GPC6: variants seen among roughly 807,000 people sequenced by gnomAD.
The protein encoded by GPC6 is glypican 6.
A neutral mutation model predicts 55.2 loss-of-function variants in GPC6; 14 were observed. That is an observed-to-expected ratio of 0.25 (90% CI 0.17 to 0.40). The LOEUF (loss-of-function observed/expected upper bound fraction) is 0.40. Ranked by LOEUF, GPC6 falls within the 10% of genes least tolerant of loss-of-function variation. The probability of loss-of-function intolerance (pLI) is 1.00; values close to 1 mark genes in which losing one functional copy is unlikely to be tolerated. For missense variants in GPC6, 641 were observed against 708.5 expected (o/e 0.90, Z 1.08); for synonymous variants, 278 against 259.6 (o/e 1.07, Z -0.68).
In GPC6 at chr13:93,688,660, G is replaced by A. The variant is rs375051408; in HGVS notation, c.320-141494G>A. Reference sequence around the variant, plus strand: ...TTGAAAATATTATTTAATGAAAGAAGACAGGCATAAAGAGACAACAATTGC... The same window carrying A: ...TTGAAAATATTATTTAATGAAAGAAAACAGGCATAAAGAGACAACAATTGC... On this transcript the variant is annotated intron_variant, in intron 2 of 8. Coordinates refer to ENST00000377047, the MANE Select transcript of GPC6 (RefSeq NM_005708.5). 4.6e-5 allele frequency among the ~76,000 whole-genome samples: 7 copies of A among 151,964 alleles called. No individual in the cohort carries two copies. In the East Asian group the frequency reaches 7.7e-4, roughly 17 times the overall value.
At chr13:93,432,785 A>G (rs72640515) in intron 1 of GPC6, among the ~76,000 whole-genome samples, 7,122 of 152,180 alleles carry the variant, frequency 0.047, 222 homozygotes, top group Non-Finnish European at 0.069. Context: ...TTGTTAATGA[A>G]TCAGCAACCC....
chr13:93,313,455 T>A (rs1411632659), intron 1 of GPC6, among the ~76,000 whole-genome samples: 7 of 152,178 alleles, frequency 4.6e-5, no homozygotes, highest in Non-Finnish European at 7.4e-5. Context: ...GACAGTAATA[T>A]GAAACTCCTG....
chr13:94,299,844 T>C (rs879551083), intron 5 of GPC6, among the ~76,000 whole-genome samples: 1 of 152,126 alleles, frequency 6.6e-6, no homozygotes, highest in African/African-American at 2.4e-5. Context: ...TGGACAAATA[T>C]ATGGTATCCA....
chr13:94,103,442 G>C lies in GPC6; in HGVS notation c.877+75548G>C, dbSNP rs187259036. On this transcript the variant is annotated intron_variant, in intron 4 of 8. Coordinates refer to ENST00000377047, the MANE Select transcript of GPC6 (RefSeq NM_005708.5). ...GGGTCAAATGGTATTTCTAGTTCTA[G>C]ATCCTTGAGGAATTGCCACACTGTC... Among the ~76,000 whole-genome samples, 229 of 152,256 alleles carry C rather than the reference G, an allele frequency of 1.5e-3. 1 individual carries two copies. Among genetic ancestry groups the C allele is most frequent in the Non-Finnish European group, 2.0e-3 (138 of 68,018 alleles).
At chr13:94,078,281 T>A (rs1884989316) in intron 4 of GPC6, among the ~76,000 whole-genome samples, 1 of 151,472 alleles carries the variant, frequency 6.6e-6, no homozygotes, top group African/African-American at 2.4e-5. Flanking sequence ...GAAAGAGAAG[T>A]TTATAGCAAT....
At chr13:93,662,332 A>G (rs1283805543) in intron 2 of GPC6, among the ~76,000 whole-genome samples, 1 of 152,190 alleles carries the variant, frequency 6.6e-6, no homozygotes, top group Non-Finnish European at 1.5e-5. Flanking sequence ...GAGCTATCAA[A>G]ATACTTCTAC....
intron 1 of GPC6, among the ~76,000 whole-genome samples, chr13:93,315,344 C>T (rs1879211082): frequency 1.3e-5 from 2 of 151,802 alleles, no homozygotes; most frequent in African/African-American, 4.8e-5. Flanking sequence ...ATAATTATAG[C>T]TCTGTTTTCT....
At chr13:94,224,251 C>A (rs1890476794) in intron 4 of GPC6, among the ~76,000 whole-genome samples, 1 of 43,948 alleles carries the variant, frequency 2.3e-5, no homozygotes, top group African/African-American at 1.0e-4. Flanking sequence ...TGTATATCAT[C>A]TTTAAATATA....
chr13:93,861,344 A>C (rs1888804012), intron 3 of GPC6, among the ~76,000 whole-genome samples: 1 of 151,514 alleles, frequency 6.6e-6, no homozygotes, highest in African/African-American at 2.4e-5. Flanking sequence ...TGCAGACAAA[A>C]GTATGTATAA....
At chr13:93,479,643 G>T (rs1226138383) in intron 1 of GPC6, among the ~76,000 whole-genome samples, 1 of 151,426 alleles carries the variant, frequency 6.6e-6, no homozygotes, top group Non-Finnish European at 1.5e-5. Context: ...AAAAAAATTA[G>T]CTAGGTGTGG....
chr13:93,918,600 C>T (rs1439106413), intron 3 of GPC6, among the ~76,000 whole-genome samples: 3 of 152,174 alleles, frequency 2.0e-5, no homozygotes, highest in Admixed American at 6.5e-5. Flanking sequence ...AGTTACTCAT[C>T]TCATACACAT....
intron 3 of GPC6, among the ~76,000 whole-genome samples, chr13:93,952,658 T>G (rs1379281556): frequency 6.6e-6 from 1 of 151,514 alleles, no homozygotes; most frequent in African/African-American, 2.4e-5. Context: ...TATATATGTA[T>G]GTATATGTAT....
intron 2 of GPC6, among the ~76,000 whole-genome samples, chr13:93,811,611 A>G (rs1178674469): frequency 6.6e-6 from 1 of 152,004 alleles, no homozygotes; most frequent in African/African-American, 2.4e-5. Flanking sequence ...CCCCCTAACA[A>G]ATGGTTTCAT....
At chr13:93,858,210 C>CT (rs1311551406) in intron 3 of GPC6, among the ~76,000 whole-genome samples, 1 of 151,482 alleles carries the variant, frequency 6.6e-6, no homozygotes, top group Non-Finnish European at 1.5e-5. Flanking sequence ...ACAATTAAAT[C>CT]TTTTTTGAGG....
intron 4 of GPC6, among the ~76,000 whole-genome samples, chr13:94,156,032 G>A (rs1566476648): frequency 6.6e-6 from 1 of 152,168 alleles, no homozygotes; most frequent in Non-Finnish European, 1.5e-5. Context: ...GGGCTTCAGA[G>A]GCAGTGACAG....
chr13:93,333,879 C>G (rs1566304155), intron 1 of GPC6, among the ~76,000 whole-genome samples: 1 of 152,096 alleles, frequency 6.6e-6, no homozygotes, highest in Non-Finnish European at 1.5e-5. Context: ...TTGTATCCCT[C>G]AACTTTACTG....
At chr13:93,380,129 T>A (rs1222261979) in intron 1 of GPC6, among the ~76,000 whole-genome samples, 1 of 152,120 alleles carries the variant, frequency 6.6e-6, no homozygotes, top group Admixed American at 6.5e-5. Flanking sequence ...TGTCTATGCT[T>A]ATCAAGATTA....
At chr13:94,326,595 TC>T (rs1877128132) in intron 6 of GPC6, among the ~76,000 whole-genome samples, 1 of 152,168 alleles carries the variant, frequency 6.6e-6, no homozygotes, top group African/African-American at 2.4e-5. Context: ...AAATACAGCC[TC>T]CCCAACCATC....
intron 1 of GPC6, among the ~76,000 whole-genome samples, chr13:93,526,389 A>G (rs1426412151): frequency 2.0e-5 from 3 of 150,004 alleles, no homozygotes; most frequent in African/African-American, 7.6e-5. Flanking sequence ...AAAGATGTAG[A>G]CCCCGAATAC....
Sources: allele counts gnomAD v4.1 joint callset (sites outside exome capture counted in the v4.1 genomes callset), GRCh38; gene constraint gnomAD v4.1.1; transcripts MANE v1.5; gene names NCBI Gene and HGNC (gene_info 2026-07-23, HGNC 2026-07-21).